The following ANGPTL1 variants were observed in gnomAD, a reference collection of about 807,000 sequenced individuals.
ANGPTL1 encodes angiopoietin like 1.
In ANGPTL1, 36 loss-of-function variants were observed where a neutral mutation model predicts 46.7. The ratio of observed to expected loss-of-function variants is 0.77; its 90% CI spans 0.59 to 1.02. ANGPTL1 has a LOEUF of 1.02. Among genes scored for constraint, ANGPTL1 ranks in the 50% least tolerant of loss-of-function variants. ANGPTL1 has a pLI of 0.00. For missense variants in ANGPTL1, 571 were observed against 594.7 expected (o/e 0.96, Z 0.41); for synonymous variants, 221 against 204.3 (o/e 1.08, Z -0.69).
chr1:178,851,135 A>G lies in ANGPTL1; in HGVS notation c.1470T>C (p.Ile490=), dbSNP rs1443800272. 2 of 1,612,626 alleles carry G rather than the reference A, an allele frequency of 1.2e-6. No homozygotes were observed. The highest frequency in any genetic ancestry group is 1.7e-6 in the Non-Finnish European group (2 of 1,179,442). ...LRAVQMMIKP[I]D is the part of the protein sequence containing the mutation. ...AATTGGCGAGTGTCTCTCTTCAGTCAATAGGCTTGATCATCATCTGAACTG... is the reference window on the plus strand; with the variant it reads ...AATTGGCGAGTGTCTCTCTTCAGTCGATAGGCTTGATCATCATCTGAACTG... The change falls in exon 6 of 6, where the codon ATT becomes ATC. Residue 490 remains isoleucine (I), a synonymous_variant. Transcript: ENST00000234816.
At chr1:178,864,857 A>G in intron 3 of ANGPTL1, 97 bp downstream of exon 3, 2 of 813,384 alleles carry the variant, frequency 2.5e-6, no homozygotes, top group Non-Finnish European at 3.4e-6. Context: ...CATATATAAC[A>G]TCGCAAAATG....
rs71108081 is a variant in ANGPTL1, at chr1:178,856,394, ATTTTT to A, written c.824-2612_824-2608del. Among the ~76,000 whole-genome samples, 187 of 36,368 alleles carry A rather than the reference ATTTTT, an allele frequency of 5.1e-3. 1 individual carries two copies. Among genetic ancestry groups the A allele is most frequent in the African/African-American group, 0.023 (159 of 6,814 alleles). 23.9% of individuals were successfully genotyped at this position (36,368 alleles called of 152,430 possible). On this transcript the variant is annotated intron_variant, in intron 3 of 5. Transcript: ENST00000234816. ...AGGCAAGTGCCACCCTGCCTGGCTA[ATTTTT>A]TTTTTTTTTTTTTTTTTTTTTTTTT...
At chr1:178,855,572 G>A (rs1381125849) in intron 3 of ANGPTL1, among the ~76,000 whole-genome samples, 1 of 151,788 alleles carries the variant, frequency 6.6e-6, no homozygotes, top group Non-Finnish European at 1.5e-5. Flanking sequence ...TGTCTTTCCT[G>A]CGTTATATTT....
Position 178,851,270 on chromosome 1 carries a change from A to G in ANGPTL1, c.1335T>C (p.Cys445=), listed in dbSNP as rs1161266092. 4 of 1,613,822 alleles carry G rather than the reference A, an allele frequency of 2.5e-6. No individual in the cohort carries two copies. Among genetic ancestry groups the G allele is most frequent in the Non-Finnish European group, 3.4e-6 (4 of 1,179,836 alleles). Residue 445 remains cysteine (C), a synonymous_variant, in exon 6 of 6, where the codon TGT becomes TGC. Transcript: ENST00000234816. The stretch of plus-strand genomic sequence containing the variant: ...ATACTCCATTTAGGTTAGAATGTGC[A>G]CAGGCATTGTACCACCAGCCTCCTT... ...FHKGGWWYNA[C]AHSNLNGVWY... is the part of the protein sequence containing the mutation.
rs77887163 is a variant in ANGPTL1, at chr1:178,855,699, A to G, written c.824-1912T>C. ...TTATAAACATATTTTCCTTTAAGAC[A>G]TTGAAAATAGCTACAACCACTACTT... is the stretch of plus-strand genomic sequence containing the variant. On this transcript the variant is annotated intron_variant, in intron 3 of 5. Transcript: ENST00000234816. Among the ~76,000 whole-genome samples the G allele has an allele frequency of 4.7e-3, 712 of 151,956 alleles. 4 individuals carry two copies. Among genetic ancestry groups the G allele is most frequent in the African/African-American group, 0.016 (659 of 41,540 alleles).
rs543106130 is a variant in ANGPTL1, at chr1:178,870,322, A to G, written c.-137+419T>C. Among the ~76,000 whole-genome samples, 6 of 152,330 alleles carry G rather than the reference A, an allele frequency of 3.9e-5. No individual in the cohort carries two copies. The South Asian group carries it at 1.2e-3, about 32-fold the overall frequency. ...CCAACAGTTTATGTATATCTTCAGC[A>G]CACACACTGTGGCTGCAGGAAGAGA... is the stretch of plus-strand genomic sequence containing the variant. On this transcript the variant is annotated intron_variant, in intron 1 of 5. Coordinates refer to ENST00000234816, the MANE Select transcript of ANGPTL1 (RefSeq NM_004673.4).
chr1:178,861,488 CAT>C (rs1352172210), intron 3 of ANGPTL1, among the ~76,000 whole-genome samples: 1 of 150,064 alleles, frequency 6.7e-6, no homozygotes, highest in Admixed American at 6.7e-5. Context: ...TATAATAAAA[CAT>C]AGAATTGGTA....
At chr1:178,867,214 T>G (rs927951577) in intron 2 of ANGPTL1, among the ~76,000 whole-genome samples, 1 of 152,176 alleles carries the variant, frequency 6.6e-6, no homozygotes, top group African/African-American at 2.4e-5. Context: ...GGCACTGTTT[T>G]AAGCCATTTT....
rs1370675960 is a variant in ANGPTL1 at position 178,865,717 on chromosome 1, A to G, written c.60T>C (p.His20=). 2 of 1,613,572 alleles carry G rather than the reference A, an allele frequency of 1.2e-6. No homozygotes were observed. Among genetic ancestry groups the G allele is most frequent in the Admixed American group, 3.3e-5 (2 of 59,984 alleles). The part of the protein sequence containing the change: ...VLFFLLVDTG[H]CRGGQFKIKK... The stretch of plus-strand genomic sequence containing the variant: ...TAATTTTGAATTGTCCACCTCTGCA[A>G]TGTCCAGTGTCCACTAGTAGGAAGA... The change falls in exon 3 of 6, where the codon CAT becomes CAC. Residue 20 remains histidine (H), a synonymous_variant. Coordinates refer to ENST00000234816, the MANE Select transcript of ANGPTL1 (RefSeq NM_004673.4).
intron 3 of ANGPTL1, among the ~76,000 whole-genome samples, chr1:178,856,394 A>ATTTTCTTTTTTTTTTTTTTTTTTTTTT (rs1657575919): frequency 2.7e-5 from 1 of 36,432 alleles, no homozygotes; most frequent in African/African-American, 1.5e-4. Flanking sequence ...TGCCTGGCTA[A>ATTTTCTTTTTTTTTTTTTTTTTTTTTT]TTTTTTTTTT....
In ANGPTL1 at chr1:178,852,697, T is replaced by G; in HGVS notation, c.1274A>C (p.Lys425Thr). 1 of 1,613,058 alleles carries G rather than the reference T, an allele frequency of 6.2e-7. No homozygotes were observed. The highest frequency in any genetic ancestry group is 8.5e-7 in the Non-Finnish European group (1 of 1,179,496). ...GKQFTTLDRD[K>T]DMYAGNCAHF... Reference sequence around the variant, plus strand: ...TTCATACTTACCTGCATACATATCTTTATCTCTGTCCAGTGTGGTGAATTG... The same window carrying G: ...TTCATACTTACCTGCATACATATCTGTATCTCTGTCCAGTGTGGTGAATTG... The change falls in exon 5 of 6, where the codon AAA (lysine) becomes ACA (threonine). Residue 425 changes from lysine to threonine, a missense_variant. By Grantham distance (78) the Lys-to-Thr change is moderately conservative (BLOSUM62 -1). Transcript: ENST00000234816.
At position 178,852,694 on chromosome 1, in the gene ANGPTL1, T is replaced by C; in HGVS notation, c.1277A>G (p.Asp426Gly). ...TTTTTCATACTTACCTGCATACATATCTTTATCTCTGTCCAGTGTGGTGAA... is the reference window on the plus strand; with the variant it reads ...TTTTTCATACTTACCTGCATACATACCTTTATCTCTGTCCAGTGTGGTGAA... ...KQFTTLDRDK[D>G]MYAGNCAHFH... Residue 426 changes from aspartate (D) to glycine (G), a missense_variant, in exon 5 of 6, where the codon GAT becomes GGT. Asp to Gly is a moderately conservative substitution (Grantham distance 94). Coordinates refer to ENST00000234816, the MANE Select transcript of ANGPTL1 (RefSeq NM_004673.4). 1.2e-6 allele frequency: 2 copies of C among 1,612,702 alleles called. No individual in the cohort carries two copies. The highest frequency in any genetic ancestry group is 1.1e-5 in the South Asian group (1 of 90,914).
chr1:178,866,230 C>T (rs1658400964), intron 2 of ANGPTL1, among the ~76,000 whole-genome samples: 1 of 152,100 alleles, frequency 6.6e-6, no homozygotes, highest in Non-Finnish European at 1.5e-5. Flanking sequence ...ACATTCTTGC[C>T]TAACTAGTAT....
chr1:178,867,747 G>A (rs1400600915), intron 2 of ANGPTL1, among the ~76,000 whole-genome samples: 6 of 151,582 alleles, frequency 4.0e-5, no homozygotes, highest in Non-Finnish European at 7.4e-5. Context: ...ACTCTTCTGC[G>A]GCAATTTCTT....
intron 5 of ANGPTL1, among the ~76,000 whole-genome samples, chr1:178,852,104 C>T (rs1657211143): frequency 6.6e-6 from 1 of 152,158 alleles, no homozygotes; most frequent in Non-Finnish European, 1.5e-5. Context: ...GCTCTTACAC[C>T]ATGTATCCAA....
Position 178,852,688 on chromosome 1 carries a change from T to A in ANGPTL1, c.1283A>T (p.Tyr428Phe). The change falls in exon 5 of 6, where the codon TAT (tyrosine) becomes TTT (phenylalanine). Residue 428 changes from tyrosine (Y) to phenylalanine (F), a missense_variant. Tyr to Phe is a conservative substitution (Grantham distance 22). Coordinates refer to ENST00000234816, the MANE Select transcript of ANGPTL1 (RefSeq NM_004673.4). ...FTTLDRDKDM[Y>F]AGNCAHFHKG... is the part of the protein sequence containing the mutation. ...TGAAAGTTTTTCATACTTACCTGCA[T>A]ACATATCTTTATCTCTGTCCAGTGT... is the stretch of plus-strand genomic sequence containing the variant. 6.2e-7 allele frequency: 1 copy of A among 1,612,082 alleles called. No homozygotes were observed. Among genetic ancestry groups the A allele is most frequent in the Admixed American group, 1.7e-5 (1 of 59,678 alleles).
At chr1:178,861,561 G>T (rs138129913) in intron 3 of ANGPTL1, among the ~76,000 whole-genome samples, 1 of 151,998 alleles carries the variant, frequency 6.6e-6, no homozygotes, top group East Asian at 1.9e-4. Flanking sequence ...AATGTGAATA[G>T]TGATTTCTGC....
At position 178,865,621 on chromosome 1, in the gene ANGPTL1, T is replaced by C. The variant is rs1658353061; in HGVS notation, c.156A>G (p.Thr52=). The C allele has an allele frequency of 6.2e-7, 1 of 1,613,914 alleles. No homozygotes were observed. The highest frequency in any genetic ancestry group is 8.5e-7 in the Non-Finnish European group (1 of 1,179,960). The part of the protein sequence containing the change: ...GKEEAKKCAY[T]FLVPEQRITG... ...TTATTCTTTGTTCAGGTACCAGGAA[T>C]GTGTATGCACATTTCTTTGCTTCCT... The change falls in exon 3 of 6, where the codon ACA becomes ACG. Residue 52 remains threonine, a synonymous_variant. Transcript: ENST00000234816.
In ANGPTL1 at chr1:178,853,625, A is replaced by G. The variant is rs773046843; in HGVS notation, c.986T>C (p.Val329Ala). The G allele has an allele frequency of 1.9e-6, 3 of 1,602,010 alleles. No homozygotes were observed. The change falls in exon 4 of 6, where the codon GTC becomes GCC. Residue 329 changes from valine (V) to alanine (A), a missense_variant. Coordinates refer to ENST00000234816, the MANE Select transcript of ANGPTL1 (RefSeq NM_004673.4). ...TVIQKRTDGS[V>A]NFFRNWENYK... The stretch of plus-strand genomic sequence containing the variant: ...ATTTTCCCAATTTCTGAAGAAGTTG[A>G]CAGAGCCGTCTGTTCTTTTCTGAAT...
Sources: gnomAD v4.1 joint callset for allele counts (sites outside exome capture counted in the v4.1 genomes callset) on GRCh38, gnomAD v4.1.1 for gene constraint, MANE v1.5 for transcripts, NCBI Gene and HGNC (gene_info 2026-07-23, HGNC 2026-07-21) for gene names.